RSRC2: variants seen among roughly 807,000 people sequenced by gnomAD.
RSRC2 encodes arginine/serine-rich coiled-coil protein 2.
Under a neutral mutation model 61.3 loss-of-function variants are expected in RSRC2, and 5 were observed. That is an observed-to-expected ratio of 0.08 (90% CI 0.04 to 0.17). The LOEUF (loss-of-function observed/expected upper bound fraction) is 0.17, where lower values mean the gene tolerates loss of function less well. Among genes scored for constraint, RSRC2 ranks in the 10% least tolerant of loss-of-function variants. The pLI is 1.00. For missense variants in RSRC2, 381 were observed against 518.8 expected, an observed-to-expected ratio of 0.73 and a Z score of 2.58; for synonymous variants, 202 against 166.5, an observed-to-expected ratio of 1.21 and a Z score of -1.64.
In RSRC2 at chr12:122,518,928, A is replaced by G. The variant is rs752223644; in HGVS notation, c.309T>C (p.Asn103=). The change falls in exon 4 of 10, where the codon AAT becomes AAC. Residue 103 remains asparagine (N), a synonymous_variant. Transcript: ENST00000331738. The part of the protein sequence containing the change: ...HSSDKGRERL[N]SSENGEDRHK... The stretch of plus-strand genomic sequence containing the variant: ...GCCTGTCCTCACCATTTTCAGATGA[A>G]TTTAGTCGCTCTCTTCCTTTATCAG... 2 of 1,613,996 alleles carry G rather than the reference A, an allele frequency of 1.2e-6. No homozygotes were observed. The highest frequency in any genetic ancestry group is 1.3e-5 in the African/African-American group (1 of 74,936).
rs560795201 is a variant in RSRC2, at chr12:122,504,093, T to C, written c.*1434A>G. 4 of 151,944 alleles carry C rather than the reference T, an allele frequency of 2.6e-5. No individual in the cohort carries two copies. In the South Asian group the frequency reaches 8.3e-4, roughly 32 times the overall value. The allele number at this position is 151,944 out of a possible 1,614,324, so 9.4% of individuals were successfully genotyped here. A position where few individuals can be genotyped will look rare whatever the true frequency, so the allele number is the denominator to read the frequency against. ...CACCCCATTACTTCATTTTCATGTA[T>C]AAAAAAAATACCTAATGAGCAAGTT... On this transcript the variant is annotated 3_prime_UTR_variant, in exon 10 of 10. Coordinates refer to ENST00000331738, the MANE Select transcript of RSRC2 (RefSeq NM_023012.6).
At chr12:122,517,910 C>T (rs1959056380) in intron 4 of RSRC2, among the ~76,000 whole-genome samples, 1 of 152,086 alleles carries the variant, frequency 6.6e-6, no homozygotes, top group South Asian at 2.1e-4. Flanking sequence ...CAGCAAACAC[C>T]AACATCACCA....
At chr12:122,516,811 G>A (rs1341877520) in intron 5 of RSRC2, among the ~76,000 whole-genome samples, 27 of 152,040 alleles carry the variant, frequency 1.8e-4, no homozygotes. Flanking sequence ...TCCCACCTCA[G>A]CCTCCCAAGT....
At chr12:122,516,485 TTAA>T (rs770740026) in intron 5 of RSRC2, among the ~76,000 whole-genome samples, 3 of 152,234 alleles carry the variant, frequency 2.0e-5, no homozygotes, top group East Asian at 3.8e-4. Context: ...GCTCTAGCAC[TTAA>T]TAATGATACT....
At chr12:122,521,932 T>C (rs965934679) in intron 2 of RSRC2, among the ~76,000 whole-genome samples, 3 of 152,152 alleles carry the variant, frequency 2.0e-5, no homozygotes, top group African/African-American at 7.2e-5. Flanking sequence ...ACCCAGCAGA[T>C]GGAGGTTGCA....
At position 122,526,783 on chromosome 12, in the gene RSRC2, G is replaced by A. The variant is rs976170356; in HGVS notation, c.6+65C>T. 3.8e-6 allele frequency: 6 copies of A among 1,580,790 alleles called. No homozygotes were observed. The Admixed American group carries it at 5.0e-5, about 13-fold the overall frequency. On this transcript the variant is annotated intron_variant, in intron 1 of 9. Coordinates refer to ENST00000331738, the MANE Select transcript of RSRC2 (RefSeq NM_023012.6). ...ACACACGAACAAGGTTCTGGGAGCC[G>A]TTCACCCACTGTTGGAACGTAGCAG... is the stretch of plus-strand genomic sequence containing the variant.
chr12:122,516,314 CTTT>C (rs977034900), intron 5 of RSRC2, among the ~76,000 whole-genome samples: 1 of 152,188 alleles, frequency 6.6e-6, no homozygotes, highest in African/African-American at 2.4e-5. Flanking sequence ...CTCCTGTGCT[CTTT>C]ATTGTACACC....
At position 122,511,042 on chromosome 12, in the gene RSRC2, C is replaced by T. The variant is rs889850220; in HGVS notation, c.805+67G>A. ...CCAGTCAGAATGACAGAGCAAATCC[C>T]TGTGAAAAACAAAAAAGCTTGAAAG... is the stretch of plus-strand genomic sequence containing the variant. On this transcript the variant is annotated intron_variant, in intron 7 of 9. Coordinates refer to ENST00000331738, the MANE Select transcript of RSRC2 (RefSeq NM_023012.6). The T allele has an allele frequency of 7.6e-6, 9 of 1,181,760 alleles. 1 individual carries two copies. The highest frequency in any genetic ancestry group is 7.4e-5 in the East Asian group (3 of 40,496). The allele number at this position is 1,181,760 out of a possible 1,614,324, so 73.2% of individuals were successfully genotyped here. A position where few individuals can be genotyped will look rare whatever the true frequency, so the allele number is the denominator to read the frequency against.
At chr12:122,507,106 C>T (rs751134527) in intron 8 of RSRC2, 183 bp from the exon 9 acceptor site, 52 of 616,032 alleles carry the variant, frequency 8.4e-5, no homozygotes, top group Non-Finnish European at 1.3e-4. Flanking sequence ...AGGTTGGCGC[C>T]GTGCTTCACT....
chr12:122,515,993 C>T (rs1345911927), intron 5 of RSRC2, among the ~76,000 whole-genome samples: 1 of 151,596 alleles, frequency 6.6e-6, no homozygotes, highest in Non-Finnish European at 1.5e-5. Flanking sequence ...TGTCTCAAAA[C>T]AAACAAAAAA....
At chr12:122,525,575 T>C (rs559480573) in intron 1 of RSRC2, among the ~76,000 whole-genome samples, 2 of 152,300 alleles carry the variant, frequency 1.3e-5, no homozygotes, top group East Asian at 3.9e-4. Context: ...GAGCAAACTT[T>C]AAAACTATCA....
At chr12:122,509,426 G>A (rs1271166261) in intron 7 of RSRC2, among the ~76,000 whole-genome samples, 1 of 151,518 alleles carries the variant, frequency 6.6e-6, no homozygotes, top group African/African-American at 2.4e-5. Flanking sequence ...CTCCAGCACA[G>A]GCGACAGTAT....
rs750280491 is a variant in RSRC2, at chr12:122,508,404, C to G, written c.849G>C (p.Leu283Phe). The change falls in exon 8 of 10, where the codon TTG (leucine) becomes TTC (phenylalanine). Residue 283 changes from leucine to phenylalanine, a missense_variant. Transcript: ENST00000331738. ...GGSVLNVAAL[L>F]ASGTQVTPQI... is the part of the protein sequence containing the mutation. ...GAGGTGTTACTTGTGTTCCTGATGC[C>G]AACAGGGCAGCAACATTGAGAACAG... The G allele has an allele frequency of 1.2e-6, 2 of 1,614,088 alleles. No homozygotes were observed. The highest frequency in any genetic ancestry group is 2.2e-5 in the South Asian group (2 of 91,070).
rs1424607130 is a variant in RSRC2 at position 122,517,424 on chromosome 12, A to G, written c.405T>C (p.His135=). 6.2e-7 allele frequency: 1 copy of G among 1,614,074 alleles called. No individual in the cohort carries two copies. The highest frequency in any genetic ancestry group is 1.1e-5 in the South Asian group (1 of 91,074). ...HSRSRSRERR[H]RSRSRERKKS... ...TCTTCCGCTCCCTGCTTCTACTACG[A>G]TGGCGTCTGAAATTAAAGTGCACAA... Residue 135 remains histidine (H), a synonymous_variant, in exon 5 of 10, where the codon CAT becomes CAC. Transcript: ENST00000331738.
At chr12:122,518,809 G>A (rs1959112317) in intron 4 of RSRC2, 30 bp downstream of exon 4, 8 of 1,536,068 alleles carry the variant, frequency 5.2e-6, no homozygotes, top group Non-Finnish European at 7.2e-6. Context: ...CTTGTTAGAA[G>A]GTACTACATT....
At chr12:122,520,748 C>G in intron 3 of RSRC2, 1 of 370,064 alleles carries the variant, frequency 2.7e-6, no homozygotes, top group East Asian at 7.4e-5. Context: ...CCACAAGACT[C>G]TTCTCCCTTT....
intron 3 of RSRC2, chr12:122,520,434 AAAC>A: frequency 6.6e-6 from 6 of 911,522 alleles, no homozygotes; most frequent in Non-Finnish European, 8.1e-6. Flanking sequence ...AATTTAAAAA[AAAC>A]ATTAAAACCC....
chr12:122,520,518 G>A (rs750280424), intron 3 of RSRC2: 1 of 1,365,398 alleles, frequency 7.3e-7, no homozygotes, highest in African/African-American at 1.5e-5. Context: ...TCATGAAGTA[G>A]GCTTATTATT....
At chr12:122,520,412 A>C (rs1959180263) in intron 3 of RSRC2, 1 of 734,670 alleles carries the variant, frequency 1.4e-6, no homozygotes, top group Admixed American at 2.2e-5. Flanking sequence ...TTTCAAACAT[A>C]ACATTACTAT....
Sources: gnomAD v4.1 joint callset for allele counts (sites outside exome capture counted in the v4.1 genomes callset) on GRCh38, gnomAD v4.1.1 for gene constraint, MANE v1.5 for transcripts, NCBI Gene and HGNC (gene_info 2026-07-23, HGNC 2026-07-21) for gene names.